TARS3: variants seen among roughly 807,000 people sequenced by gnomAD.
TARS3 encodes the protein threonyl-tRNA synthetase 3.
TARS3 carries 94 observed loss-of-function variants against 103.5 expected under a neutral mutation model. The observed-to-expected ratio is 0.91, with a 90% CI of 0.77 to 1.08. The LOEUF (loss-of-function observed/expected upper bound fraction) is 1.08, where lower values mean the gene tolerates loss of function less well. TARS3 is among the 50% of genes least tolerant of loss of function. The pLI is 0.00. For missense variants in TARS3, 952 were observed against 995.2 expected (o/e 0.96, Z 0.58); for synonymous variants, 416 against 355.4 (o/e 1.17, Z -1.92).
rs77513252 is a variant in TARS3, at chr15:101,688,697, A to G, written c.1321-2635T>C. On this transcript the variant is annotated intron_variant, in intron 10 of 18. Coordinates refer to ENST00000335968, the MANE Select transcript of TARS3 (RefSeq NM_152334.3). ...GCATAAATCTACCAGGACAAAGAAA[A>G]TAGGAGAGAAGATGAATGCTATAAT... is the stretch of plus-strand genomic sequence containing the variant. 1.7e-3 allele frequency among the ~76,000 whole-genome samples: 252 copies of G among 152,314 alleles called. 1 individual carries two copies. Among genetic ancestry groups the G allele is most frequent in the African/African-American group, 5.8e-3 (241 of 41,560 alleles).
chr15:101,654,741 G>T lies in TARS3; in HGVS notation c.2261-11C>A, dbSNP rs770846592. ...CCTTTTCTCCAACCACTGCAGAAAAGAAAGGTAAAGAAATGTATTTTAAAT... is the reference window on the plus strand; with the variant it reads ...CCTTTTCTCCAACCACTGCAGAAAATAAAGGTAAAGAAATGTATTTTAAAT... On this transcript the variant is annotated splice_polypyrimidine_tract_variant and intron_variant, in intron 18 of 18. Transcript: ENST00000335968. 6.2e-7 allele frequency: 1 copy of T among 1,610,604 alleles called. No homozygotes were observed. Among genetic ancestry groups the T allele is most frequent in the South Asian group, 1.1e-5 (1 of 90,382 alleles).
At chr15:101,701,827 G>C (rs1474664004) in intron 9 of TARS3, among the ~76,000 whole-genome samples, 1 of 152,078 alleles carries the variant, frequency 6.6e-6, no homozygotes, top group East Asian at 1.9e-4. Flanking sequence ...CCAGGCTGGA[G>C]TGCAGTGGAG....
rs746523034 is a variant in TARS3, at chr15:101,657,038, T to C, written c.2146-2A>G. The C allele has an allele frequency of 2.4e-5, 38 of 1,592,952 alleles. No homozygotes were observed. Among genetic ancestry groups the C allele is most frequent in the Non-Finnish European group, 3.2e-5 (37 of 1,161,404 alleles). The stretch of plus-strand genomic sequence containing the variant: ...TTCTTCAAAAAATTCACTGGATACC[T>C]AGAAGAAAATGAAACACCTTTACTG... On this transcript the variant is annotated splice_acceptor_variant, in intron 17 of 18. Coordinates refer to ENST00000335968, the MANE Select transcript of TARS3 (RefSeq NM_152334.3). LOFTEE classifies it high-confidence loss of function.
Position 101,654,702 on chromosome 15 carries a change from A to G in TARS3, c.2289T>C (p.Asn763=), listed in dbSNP as rs1596274435. The part of the protein sequence containing the change: ...LVVGEKEKID[N]AVNVRTRDNK... ...TGTCTCTTGTTCGCACGTTTACAGC[A>G]TTATCTATCTTTTCCTTTTCTCCAA... Residue 763 remains asparagine (N), a synonymous_variant, in exon 19 of 19, where the codon AAT becomes AAC. Transcript: ENST00000335968. 2.5e-6 allele frequency: 4 copies of G among 1,613,950 alleles called. No individual in the cohort carries two copies. The East Asian group carries it at 6.7e-5, about 27-fold the overall frequency.
chr15:101,654,974 G>T (rs115198962), intron 18 of TARS3, among the ~76,000 whole-genome samples: 3 of 152,184 alleles, frequency 2.0e-5, no homozygotes, highest in Non-Finnish European at 4.4e-5. Context: ...TGAGAGGGGG[G>T]AGCTCTTACA....
intron 15 of TARS3, among the ~76,000 whole-genome samples, chr15:101,665,495 G>A (rs1897546286): frequency 6.6e-6 from 1 of 152,332 alleles, no homozygotes; most frequent in Admixed American, 6.5e-5. Context: ...AAATTGTACA[G>A]CGTTATCATC....
intron 5 of TARS3, 22 bp from the exon 6 acceptor site, chr15:101,708,932 C>A (rs74033402): frequency 6.9e-7 from 1 of 1,444,868 alleles, no homozygotes; most frequent in Admixed American, 2.2e-5. Flanking sequence ...AGCAGAGAAC[C>A]GACATCCATC....
At chr15:101,685,832 G>A (rs1195320071) in intron 11 of TARS3, 64 bp downstream of exon 11, 5 of 1,338,392 alleles carry the variant, frequency 3.7e-6, no homozygotes, top group Non-Finnish European at 5.1e-6. Context: ...AGCATTAAAA[G>A]ATAATTGTGA....
At position 101,724,261 on chromosome 15, in the gene TARS3, A is replaced by C; in HGVS notation, c.127T>G (p.Cys43Gly). 6.4e-7 allele frequency: 1 copy of C among 1,566,956 alleles called. No individual in the cohort carries two copies. The highest frequency in any genetic ancestry group is 8.6e-7 in the Non-Finnish European group (1 of 1,163,160). The part of the protein sequence containing the change: ...RDEQLNAPYS[C>G]QAEGPCLTRE... ...GTGAGGCACGGCCCCTCCGCCTGGC[A>C]GCTGTAGGGCGCGTTCAGCTGCTCG... is the stretch of plus-strand genomic sequence containing the variant. Residue 43 changes from cysteine (C) to glycine (G), a missense_variant, in exon 1 of 19, where the codon TGC becomes GGC. Transcript: ENST00000335968.
chr15:101,679,932 G>C (rs1487055330), intron 12 of TARS3, among the ~76,000 whole-genome samples: 2 of 152,192 alleles, frequency 1.3e-5, no homozygotes, highest in African/African-American at 4.8e-5. Context: ...ACTGCACACA[G>C]AAAGCATGGC....
chr15:101,720,718 TC>T (rs1900406879), intron 3 of TARS3, among the ~76,000 whole-genome samples: 1 of 152,200 alleles, frequency 6.6e-6, no homozygotes, highest in East Asian at 1.9e-4. Flanking sequence ...GAACTCTAGT[TC>T]CCATAATCCC....
At chr15:101,671,377 T>G in intron 15 of TARS3, 109 bp downstream of exon 15, 1 of 791,708 alleles carries the variant, frequency 1.3e-6, no homozygotes, top group Non-Finnish European at 2.1e-6. Context: ...ATTGCGTGTA[T>G]AGCACATATA....
intron 10 of TARS3, among the ~76,000 whole-genome samples, chr15:101,692,808 C>A (rs977410602): frequency 4.6e-5 from 7 of 152,246 alleles, no homozygotes; most frequent in Non-Finnish European, 7.3e-5. Flanking sequence ...ACTAGACTCT[C>A]TTCAGTTAAA....
chr15:101,703,928 T>C lies in TARS3; in HGVS notation c.1005A>G (p.Pro335=). 2.5e-6 allele frequency: 4 copies of C among 1,612,080 alleles called. No individual in the cohort carries two copies. Among genetic ancestry groups the C allele is most frequent in the Non-Finnish European group, 3.4e-6 (4 of 1,178,328 alleles). ...GTGGACCTTTGCAAAGGTCAATTAA[T>C]GGACCGCACCTATAATGAAATATTT... The part of the protein sequence containing the change: ...TATTTVYRCG[P]LIDLCKGPHV... The change falls in exon 8 of 19, where the codon CCA becomes CCG. Residue 335 remains proline (P), a synonymous_variant. Coordinates refer to ENST00000335968, the MANE Select transcript of TARS3 (RefSeq NM_152334.3).
Position 101,671,664 on chromosome 15 carries a change from G to A in TARS3, c.1866+7C>T, listed in dbSNP as rs766599811. 10 of 1,613,430 alleles carry A rather than the reference G, an allele frequency of 6.2e-6. No homozygotes were observed. The highest frequency in any genetic ancestry group is 4.4e-5 in the South Asian group (4 of 91,020). On this transcript the variant is annotated splice_region_variant and intron_variant, in intron 14 of 18. Transcript: ENST00000335968. ...TTTTGCTGTTTTGAAGCATGTGGTC[G>A]ACTCACTTTAGGGCCATAAAATGCT... is the stretch of plus-strand genomic sequence containing the variant.
chr15:101,655,980 C>G, intron 18 of TARS3: 1 of 1,289,218 alleles, frequency 7.8e-7, no homozygotes, highest in Non-Finnish European at 1.0e-6. Context: ...ATGCAGGAAT[C>G]TACAGCCATG....
intron 10 of TARS3, among the ~76,000 whole-genome samples, chr15:101,687,869 C>T (rs1898542088): frequency 6.6e-6 from 1 of 152,114 alleles, no homozygotes; most frequent in Admixed American, 6.5e-5. Context: ...TTTCTGCCAT[C>T]TGAGGTTACA....
At position 101,724,320 on chromosome 15, in the gene TARS3, C is replaced by T; in HGVS notation, c.68G>A (p.Arg23His). 1.9e-6 allele frequency: 3 copies of T among 1,566,196 alleles called. No homozygotes were observed. Among genetic ancestry groups the T allele is most frequent in the Non-Finnish European group, 8.6e-7 (1 of 1,162,956 alleles). The part of the protein sequence containing the change: ...SRLERQEEDI[R>H]WLWSEVERLR... Reference sequence around the variant, plus strand: ...GCGCTCGACCTCCGACCACAGCCAGCGGATGTCCTCCTCCTGCCGCTCCAG... The same window carrying T: ...GCGCTCGACCTCCGACCACAGCCAGTGGATGTCCTCCTCCTGCCGCTCCAG... Residue 23 changes from arginine to histidine, a missense_variant, in exon 1 of 19, where the codon CGC (arginine) becomes CAC (histidine). Coordinates refer to ENST00000335968, the MANE Select transcript of TARS3 (RefSeq NM_152334.3).
intron 10 of TARS3, among the ~76,000 whole-genome samples, chr15:101,692,340 C>G (rs1898766561): frequency 1.0e-5 from 1 of 99,198 alleles, no homozygotes; most frequent in Non-Finnish European, 2.1e-5. Flanking sequence ...GCTCCAAGCT[C>G]TCTGTGGGTT....
Sources: allele counts gnomAD v4.1 joint callset (sites outside exome capture counted in the v4.1 genomes callset), GRCh38; gene constraint gnomAD v4.1.1; transcripts MANE v1.5; gene names NCBI Gene and HGNC (gene_info 2026-07-23, HGNC 2026-07-21).